The following CHRM3 variants were observed in gnomAD, a reference collection of about 807,000 sequenced individuals.
CHRM3 encodes the protein muscarinic acetylcholine receptor M3.
In CHRM3, 11 loss-of-function variants were observed where a neutral mutation model predicts 41.8. The observed-to-expected ratio is 0.26, with a 90% CI of 0.17 to 0.44. The LOEUF (loss-of-function observed/expected upper bound fraction) is 0.44, where lower values mean the gene tolerates loss of function less well. CHRM3 is among the 20% of genes least tolerant of loss of function. The probability of loss-of-function intolerance (pLI) is 1.00; values close to 1 mark genes in which losing one functional copy is unlikely to be tolerated. For missense variants in CHRM3, 571 were observed against 745.4 expected (o/e 0.77, Z 2.72); for synonymous variants, 297 against 301.4 (o/e 0.99, Z 0.15).
chr1:239,665,644 A>G (rs1471312454), intron 4 of CHRM3, among the ~76,000 whole-genome samples: 1 of 151,874 alleles, frequency 6.6e-6, no homozygotes, highest in East Asian at 1.9e-4. Flanking sequence ...TACATTAGGT[A>G]TTTCTCCTAA....
intron 4 of CHRM3, among the ~76,000 whole-genome samples, chr1:239,644,101 G>T (rs1671511832): frequency 6.6e-6 from 1 of 152,164 alleles, no homozygotes; most frequent in Admixed American, 6.5e-5. Context: ...TAAGGCAAAT[G>T]ATTTTGGAAC....
chr1:239,595,826 A>AT (rs1664713810), intron 3 of CHRM3, among the ~76,000 whole-genome samples: 1 of 152,194 alleles, frequency 6.6e-6, no homozygotes, highest in Non-Finnish European at 1.5e-5. Flanking sequence ...ATATAGCTCC[A>AT]TTTTTTTATT....
intron 6 of CHRM3, among the ~76,000 whole-genome samples, chr1:239,849,680 G>A (rs1313098891): frequency 2.0e-5 from 3 of 152,076 alleles, no homozygotes; most frequent in Non-Finnish European, 2.9e-5. Flanking sequence ...GACCATAGAC[G>A]CTCCTTTGCT....
chr1:239,437,247 A>G (rs1446559805), intron 1 of CHRM3, among the ~76,000 whole-genome samples: 1 of 152,094 alleles, frequency 6.6e-6, no homozygotes, highest in Non-Finnish European at 1.5e-5. Flanking sequence ...CCAAGTAGCT[A>G]GGATTACACA....
intron 4 of CHRM3, among the ~76,000 whole-genome samples, chr1:239,673,411 C>T (rs534087213): frequency 1.3e-5 from 2 of 152,270 alleles, no homozygotes; most frequent in African/African-American, 4.8e-5. Flanking sequence ...TCATCATACT[C>T]TCTAAGTGTC....
Position 239,611,416 on chromosome 1 carries a change from C to CTTTTTT in CHRM3, c.-312-20790_-312-20785dup, listed in dbSNP as rs75352638. ...GACCAAATCCAAGGTTTGCAAGTGA[C>CTTTTTT]TTTTTTTTTTTTTTTTTTTTTTTGA... On this transcript the variant is annotated intron_variant, in intron 3 of 6. Transcript: ENST00000676153. 3.1e-4 allele frequency among the ~76,000 whole-genome samples: 30 copies of CTTTTTT among 96,240 alleles called. 1 individual carries two copies. The highest frequency in any genetic ancestry group is 2.2e-3 in the East Asian group (6 of 2,734). The allele number at this position is 96,240 out of a possible 152,430, so 63.1% of individuals were successfully genotyped here. A position where few individuals can be genotyped will look rare whatever the true frequency, so the allele number is the denominator to read the frequency against.
chr1:239,810,951 A>G (rs1188913542), intron 5 of CHRM3, among the ~76,000 whole-genome samples: 1 of 152,216 alleles, frequency 6.6e-6, no homozygotes, highest in African/African-American at 2.4e-5. Context: ...TTCCAAAGAA[A>G]TCCTTGGAAT....
At chr1:239,779,121 A>T (rs189014261) in intron 5 of CHRM3, among the ~76,000 whole-genome samples, 108 of 151,682 alleles carry the variant, frequency 7.1e-4, no homozygotes, top group Middle Eastern at 3.4e-3. Flanking sequence ...GGTGTTTTTT[A>T]TTTATTTGTT....
chr1:239,434,916 G>A (rs572121952), intron 1 of CHRM3, among the ~76,000 whole-genome samples: 14 of 152,134 alleles, frequency 9.2e-5, no homozygotes, highest in Non-Finnish European at 2.1e-4. Flanking sequence ...TTATGGAAAC[G>A]GAAGTGGACC....
chr1:239,507,007 G>A (rs762262554), intron 2 of CHRM3, among the ~76,000 whole-genome samples: 1 of 152,116 alleles, frequency 6.6e-6, no homozygotes, highest in Admixed American at 6.5e-5. Flanking sequence ...CCCAATGCCT[G>A]TGTCCCCATT....
At chr1:239,592,734 G>A (rs187317458) in intron 3 of CHRM3, among the ~76,000 whole-genome samples, 41 of 152,116 alleles carry the variant, frequency 2.7e-4, no homozygotes, top group African/African-American at 9.9e-4. Context: ...TTCATCAGTT[G>A]GTGGGCATTT....
chr1:239,421,131 A>T (rs1403305641), intron 1 of CHRM3, among the ~76,000 whole-genome samples: 1 of 152,218 alleles, frequency 6.6e-6, no homozygotes, highest in Non-Finnish European at 1.5e-5. Context: ...TTCTTTCATT[A>T]TTCAACAGAT....
Position 239,801,512 on chromosome 1 carries a change from T to C in CHRM3, c.-146-25740T>C, listed in dbSNP as rs965126245. 2.0e-5 allele frequency among the ~76,000 whole-genome samples: 3 copies of C among 152,198 alleles called. No individual in the cohort carries two copies. The South Asian group carries it at 6.2e-4, about 31-fold the overall frequency. ...CATAGGAATCTGGACAGTGATTCCT[T>C]TATTGTTTCTTTCATGATAACAATA... On this transcript the variant is annotated intron_variant, in intron 5 of 6. Transcript: ENST00000676153.
In CHRM3 at chr1:239,594,421, C is replaced by T. The variant is rs1572840464; in HGVS notation, c.-312-37803C>T. Among the ~76,000 whole-genome samples the T allele has an allele frequency of 2.0e-5, 3 of 152,194 alleles. No individual in the cohort carries two copies. In the East Asian group the frequency reaches 5.8e-4, roughly 29 times the overall value. On this transcript the variant is annotated intron_variant, in intron 3 of 6. Coordinates refer to ENST00000676153, the MANE Select transcript of CHRM3 (RefSeq NM_001375978.1). ...AGAAGCATTGTTTGTATCCATACGA[C>T]AATATCATTATTATGAATGTAGCTG...
chr1:239,839,577 C>G (rs945846704), intron 6 of CHRM3, among the ~76,000 whole-genome samples: 1 of 152,178 alleles, frequency 6.6e-6, no homozygotes, highest in African/African-American at 2.4e-5. Flanking sequence ...GGGTCAGAGA[C>G]AAATGTTTGT....
At chr1:239,405,526 G>C (rs1660525272) in intron 1 of CHRM3, among the ~76,000 whole-genome samples, 1 of 151,976 alleles carries the variant, frequency 6.6e-6, no homozygotes, top group African/African-American at 2.4e-5. Context: ...GGACAGTTTG[G>C]CCAATTAGAC....
chr1:239,537,631 C>T (rs577944934), intron 2 of CHRM3, among the ~76,000 whole-genome samples: 26 of 152,172 alleles, frequency 1.7e-4, no homozygotes, highest in East Asian at 7.7e-4. Context: ...CCGTTTGTTC[C>T]CTAAATACTT....
At chr1:239,634,537 A>T (rs572511120) in intron 4 of CHRM3, among the ~76,000 whole-genome samples, 31 of 152,024 alleles carry the variant, frequency 2.0e-4, no homozygotes, top group African/African-American at 6.7e-4. Context: ...AATTCTGAGC[A>T]TCTTCTTTTC....
rs1391246299 is a variant in CHRM3 at position 239,913,136 on chromosome 1, C to G, written c.*3912C>G. On this transcript the variant is annotated 3_prime_UTR_variant, in exon 7 of 7. Coordinates refer to ENST00000676153, the MANE Select transcript of CHRM3 (RefSeq NM_001375978.1). ...TTATTTACTTACTCTATTTCAACACCACAAAATCTTGAAATTTGGAAGGTA... is the reference window on the plus strand; with the variant it reads ...TTATTTACTTACTCTATTTCAACACGACAAAATCTTGAAATTTGGAAGGTA... 6.0e-6 allele frequency: 1 copy of G among 166,936 alleles called. No homozygotes were observed. Among genetic ancestry groups the G allele is most frequent in the South Asian group, 2.1e-4 (1 of 4,812 alleles). 10.3% of individuals were successfully genotyped at this position (166,936 alleles called of 1,614,324 possible).
Sources: gnomAD v4.1 joint callset for allele counts (sites outside exome capture counted in the v4.1 genomes callset) on GRCh38, gnomAD v4.1.1 for gene constraint, MANE v1.5 for transcripts, NCBI Gene and HGNC (gene_info 2026-07-23, HGNC 2026-07-21) for gene names.